CACNA1D: variants seen among roughly 807,000 people sequenced by gnomAD.
CACNA1D encodes the protein voltage-dependent L-type calcium channel subunit alpha-1D.
CACNA1D carries 55 observed loss-of-function variants against 257.1 expected under a neutral mutation model. That is an observed-to-expected ratio of 0.21 (90% CI 0.17 to 0.27). The LOEUF (loss-of-function observed/expected upper bound fraction) is 0.27. Among genes scored for constraint, CACNA1D ranks in the 10% least tolerant of loss-of-function variants. The pLI is 1.00. For missense variants in CACNA1D, 1,876 were observed against 2,784.0 expected, an observed-to-expected ratio of 0.67 and a Z score of 7.34; for synonymous variants, 980 against 1,014.9, an observed-to-expected ratio of 0.97 and a Z score of 0.65.
chr3:53,749,502 C>G (rs763112818), intron 27 of CACNA1D, 33 bp downstream of exon 27: 2 of 1,491,196 alleles, frequency 1.3e-6, no homozygotes, highest in East Asian at 2.3e-5. Flanking sequence ...GCTTCTGTCC[C>G]TTGGTCAGGA....
At chr3:53,660,314 G>T (rs1559480278) in intron 5 of CACNA1D, 39 bp downstream of exon 5, 1 of 1,608,918 alleles carries the variant, frequency 6.2e-7, no homozygotes, top group South Asian at 1.1e-5. Flanking sequence ...GAGTGTGCTG[G>T]TTTTTTCTTC....
At chr3:53,508,741 G>T (rs901531203) in intron 3 of CACNA1D, among the ~76,000 whole-genome samples, 1 of 152,168 alleles carries the variant, frequency 6.6e-6, no homozygotes, top group East Asian at 1.9e-4. Flanking sequence ...CCAATACAGG[G>T]TGACAGCATG....
chr3:53,720,989 C>T (rs1460380284), intron 11 of CACNA1D, among the ~76,000 whole-genome samples: 1 of 152,174 alleles, frequency 6.6e-6, no homozygotes, highest in African/African-American at 2.4e-5. Flanking sequence ...ATGCTTACCC[C>T]AAGCTGGAAG....
At position 53,730,321 on chromosome 3, in the gene CACNA1D, AACAC is replaced by A. The variant is rs769534880; in HGVS notation, c.2222-120_2222-117del. 232 of 729,440 alleles carry A rather than the reference AACAC, an allele frequency of 3.2e-4. 1 individual carries two copies. In the Middle Eastern group the frequency reaches 9.6e-3, roughly 30 times the overall value. The allele number at this position is 729,440 out of a possible 1,614,324, so 45.2% of individuals were successfully genotyped here. A position where few individuals can be genotyped will look rare whatever the true frequency, so the allele number is the denominator to read the frequency against. ...TACTCTAGTTTTGCTGTGTGAGTAT[AACAC>A]TTGGGACGGTCACTTACTACCAGCT... On this transcript the variant is annotated intron_variant, in intron 15 of 47. Coordinates refer to ENST00000350061, the MANE Select transcript of CACNA1D (RefSeq NM_001128840.3).
At position 53,782,262 on chromosome 3, in the gene CACNA1D, G is replaced by GTATATATATA. The variant is rs1413952414; in HGVS notation, c.4792+596_4792+597insATATATATAT. The GTATATATATA allele has an allele frequency of 9.5e-3, 397 of 41,884 alleles. 1 individual carries two copies. The highest frequency in any genetic ancestry group is 0.022 in the African/African-American group (320 of 14,240). 2.6% of individuals were successfully genotyped at this position (41,884 alleles called of 1,614,324 possible). On this transcript the variant is annotated intron_variant, in intron 39 of 47. Coordinates refer to ENST00000350061, the MANE Select transcript of CACNA1D (RefSeq NM_001128840.3). The stretch of plus-strand genomic sequence containing the variant: ...ACAGTGTGTGTGTGTGTGTGTGTGT[G>GTATATATATA]TGTATATATATATATATATATATAT...
chr3:53,674,934 C>T (rs1360548734), intron 8 of CACNA1D, among the ~76,000 whole-genome samples: 1 of 152,232 alleles, frequency 6.6e-6, no homozygotes, highest in African/African-American at 2.4e-5. Flanking sequence ...GAGGCTGTAT[C>T]TCGGGGAAGT....
intron 5 of CACNA1D, 62 bp from the exon 6 acceptor site, chr3:53,665,598 T>C: frequency 3.2e-6 from 4 of 1,255,356 alleles, no homozygotes; most frequent in South Asian, 1.2e-5. Context: ...TTAGGAATTA[T>C]ATATATGATT....
intron 35 of CACNA1D, among the ~76,000 whole-genome samples, 155 bp from the exon 36 acceptor site, chr3:53,776,448 C>A (rs1383675137): frequency 2.0e-5 from 3 of 152,250 alleles, no homozygotes; most frequent in African/African-American, 4.8e-5. Flanking sequence ...GAATCACACT[C>A]TTTTCTTAAA....
intron 3 of CACNA1D, among the ~76,000 whole-genome samples, chr3:53,609,915 A>T (rs1001420695): frequency 4.6e-5 from 7 of 152,202 alleles, no homozygotes; most frequent in Non-Finnish European, 1.0e-4. Flanking sequence ...GTACTGAGTT[A>T]CCTATGCTCA....
chr3:53,556,171 T>C (rs928174239), intron 3 of CACNA1D, among the ~76,000 whole-genome samples: 4 of 152,242 alleles, frequency 2.6e-5, no homozygotes, highest in African/African-American at 9.6e-5. Context: ...GTACAGTTTA[T>C]CCATTTATCT....
chr3:53,755,610 C>T (rs1192896623), intron 29 of CACNA1D, among the ~76,000 whole-genome samples: 1 of 152,160 alleles, frequency 6.6e-6, no homozygotes, highest in Non-Finnish European at 1.5e-5. Context: ...AGCAAGATAT[C>T]TTCATAGCAT....
intron 3 of CACNA1D, among the ~76,000 whole-genome samples, chr3:53,603,449 G>A (rs2093469980): frequency 6.6e-6 from 1 of 152,178 alleles, no homozygotes; most frequent in South Asian, 2.1e-4. Flanking sequence ...ACCCCTTGGG[G>A]TTGTTGTGAG....
chr3:53,581,438 T>A (rs1305641662), intron 3 of CACNA1D, among the ~76,000 whole-genome samples: 1 of 152,076 alleles, frequency 6.6e-6, no homozygotes, highest in African/African-American at 2.4e-5. Context: ...TACATTCACA[T>A]CACACACACA....
rs192353103 is a variant in CACNA1D at position 53,774,362 on chromosome 3, C to T, written c.4111-225C>T. ...TTGTGTCTCCCCCAGGGGAGATCCG[C>T]GAATGTGAGACCGTGCCCCTCTGGA... On this transcript the variant is annotated intron_variant, in intron 33 of 47. Transcript: ENST00000350061. The surrounding 1 kb of genome is among the most constrained non-coding windows in gnomAD (Gnocchi z 4.3). The T allele has an allele frequency of 2.8e-3, 1,495 of 532,038 alleles. 33 individuals carry two copies. In the South Asian group the frequency reaches 0.029, roughly 10 times the overall value. 33.0% of individuals were successfully genotyped at this position (532,038 alleles called of 1,614,324 possible). A position where few individuals can be genotyped will look rare whatever the true frequency, so the allele number is the denominator to read the frequency against.
At chr3:53,570,090 G>A (rs777211325) in intron 3 of CACNA1D, among the ~76,000 whole-genome samples, 3 of 152,132 alleles carry the variant, frequency 2.0e-5, no homozygotes, top group Non-Finnish European at 2.9e-5. Flanking sequence ...AATACTGGCC[G>A]TTGGTCTTTG....
At chr3:53,559,747 C>T (rs2092704940) in intron 3 of CACNA1D, among the ~76,000 whole-genome samples, 1 of 152,158 alleles carries the variant, frequency 6.6e-6, no homozygotes, top group Non-Finnish European at 1.5e-5. Context: ...TTCCTTGGTT[C>T]CCTGATGTCC....
chr3:53,811,643 C>G lies in CACNA1D; in HGVS notation c.*237C>G. 1 of 428,408 alleles carries G rather than the reference C, an allele frequency of 2.3e-6. No individual in the cohort carries two copies. Among genetic ancestry groups the G allele is most frequent in the Non-Finnish European group, 4.1e-6 (1 of 240,966 alleles). The allele number at this position is 428,408 out of a possible 1,614,324, so 26.5% of individuals were successfully genotyped here. The stretch of plus-strand genomic sequence containing the variant: ...GGCCCCAGCTGCAGGAAACAGCAGG[C>G]CCCGCCCTCTCACAGAGGATGGGTG... On this transcript the variant is annotated 3_prime_UTR_variant, in exon 48 of 48. Transcript: ENST00000350061. The surrounding 1 kb of genome is among the most constrained non-coding windows in gnomAD (Gnocchi z 4.2).
At chr3:53,643,251 C>T (rs958022446) in intron 3 of CACNA1D, among the ~76,000 whole-genome samples, 2 of 152,082 alleles carry the variant, frequency 1.3e-5, no homozygotes, top group African/African-American at 4.8e-5. Flanking sequence ...GTGCATACTT[C>T]ATTAATACCT....
intron 37 of CACNA1D, among the ~76,000 whole-genome samples, chr3:53,777,976 G>C (rs1258372083): frequency 6.6e-6 from 1 of 152,202 alleles, no homozygotes; most frequent in African/African-American, 2.4e-5. Context: ...GATCCAAGGA[G>C]ATCCTGGGGT....
Sources: allele counts gnomAD v4.1 joint callset (sites outside exome capture counted in the v4.1 genomes callset), GRCh38; gene constraint gnomAD v4.1.1; non-coding constraint Gnocchi (gnomAD v3.1); transcripts MANE v1.5; gene names NCBI Gene and HGNC (gene_info 2026-07-23, HGNC 2026-07-21).